The following PLA2R1 variants were observed in gnomAD, a reference collection of about 807,000 sequenced individuals.
PLA2R1 encodes secretory phospholipase A2 receptor.
In PLA2R1, 158 loss-of-function variants were observed where a neutral mutation model predicts 195.9. The ratio of observed to expected loss-of-function variants is 0.81; its 90% CI spans 0.71 to 0.92. The LOEUF is 0.92. Ranked by LOEUF, PLA2R1 falls within the 40% of genes least tolerant of loss-of-function variation. The probability of loss-of-function intolerance (pLI) is 0.00; values close to 1 mark genes in which losing one functional copy is unlikely to be tolerated. For missense variants in PLA2R1, 1,626 were observed against 1,764.6 expected, an observed-to-expected ratio of 0.92 and a Z score of 1.41; for synonymous variants, 586 against 598.2, an observed-to-expected ratio of 0.98 and a Z score of 0.30.
chr2:160,042,163 G>A lies in PLA2R1; in HGVS notation c.529C>T (p.Pro177Ser), dbSNP rs13394676. The part of the protein sequence containing the change: ...HTIKGNTHGM[P>S]CMFPFQYNHQ... ...TTATACTGGAAGGGAAACATACACGGCATCCCGTGGGTGTTCCCTTTGATT... is the reference window on the plus strand; with the variant it reads ...TTATACTGGAAGGGAAACATACACGACATCCCGTGGGTGTTCCCTTTGATT... The change falls in exon 3 of 30, where the codon CCG becomes TCG. Residue 177 changes from proline (P) to serine (S), a missense_variant. Pro to Ser is a moderately conservative substitution (Grantham distance 74). Transcript: ENST00000283243. 1,749 of 1,613,980 alleles carry A rather than the reference G, an allele frequency of 1.1e-3. 20 individuals carry two copies. In the African/African-American group the frequency reaches 0.021, roughly 19 times the overall value.
chr2:159,927,760 C>A (rs542945135), downstream of PLA2R1, among the ~76,000 whole-genome samples: 1 of 152,186 alleles, frequency 6.6e-6, no homozygotes, highest in African/African-American at 2.4e-5. Context: ...CCCTGGTCTA[C>A]GATGACCCAC....
chr2:159,960,722 CTG>C (rs1688382873), intron 20 of PLA2R1, among the ~76,000 whole-genome samples: 1 of 152,170 alleles, frequency 6.6e-6, no homozygotes, highest in Admixed American at 6.6e-5. Context: ...GGTCAAACCT[CTG>C]TTACATTATC....
intron 4 of PLA2R1, among the ~76,000 whole-genome samples, chr2:160,031,485 TTTG>T (rs1397310023): frequency 6.6e-6 from 1 of 152,136 alleles, no homozygotes; most frequent in Non-Finnish European, 1.5e-5. Context: ...ACACTGAGTG[TTTG>T]TTATGTGTGC....
At chr2:160,054,596 A>C (rs1390601713) in intron 1 of PLA2R1, among the ~76,000 whole-genome samples, 1 of 152,236 alleles carries the variant, frequency 6.6e-6, no homozygotes, top group Non-Finnish European at 1.5e-5. Context: ...ATAAATTAAA[A>C]AGCCAAGTGG....
chr2:159,959,687 G>T (rs146209642), intron 20 of PLA2R1, among the ~76,000 whole-genome samples: 73 of 152,154 alleles, frequency 4.8e-4, no homozygotes, highest in African/African-American at 1.7e-3. Flanking sequence ...TCCTTTCCCA[G>T]TGTTCCTACT....
intron 12 of PLA2R1, among the ~76,000 whole-genome samples, chr2:159,986,104 A>G (rs1004013697): frequency 2.0e-5 from 3 of 152,084 alleles, no homozygotes; most frequent in African/African-American, 7.2e-5. Context: ...CTCACCATGG[A>G]TCCTAGACTT....
In PLA2R1 at chr2:160,013,294, A is replaced by G; in HGVS notation, c.1633T>C (p.Cys545Arg). 6.2e-7 allele frequency: 1 copy of G among 1,607,258 alleles called. No individual in the cohort carries two copies. Among genetic ancestry groups the G allele is most frequent in the Non-Finnish European group, 8.5e-7 (1 of 1,174,012 alleles). ...SFDQASSGYYCPPALVTITNR... is the reference protein window; with the variant it reads ...SFDQASSGYYRPPALVTITNR... ...GTAATGGTTACAAGTGCAGGAGGAC[A>G]GTAATAACCGCTGGAAGCTTGGTCA... Residue 545 changes from cysteine to arginine, a missense_variant, in exon 10 of 30, where the codon TGT becomes CGT. By Grantham distance (180) the Cys-to-Arg change is radical (BLOSUM62 -3). Coordinates refer to ENST00000283243, the MANE Select transcript of PLA2R1 (RefSeq NM_007366.5).
At chr2:160,062,222 T>G in intron 1 of PLA2R1, 73 bp downstream of exon 1, 1 of 1,210,524 alleles carries the variant, frequency 8.3e-7, no homozygotes, top group South Asian at 1.7e-5. Flanking sequence ...CTTCGCCCCT[T>G]CTTCCTCTCC....
intron 11 of PLA2R1, among the ~76,000 whole-genome samples, chr2:159,997,612 C>G (rs183863450): frequency 2.2e-4 from 33 of 152,192 alleles, no homozygotes; most frequent in African/African-American, 7.9e-4. Flanking sequence ...ATGACTGAGT[C>G]CCCTACAGTT....
chr2:160,051,189 A>G (rs1230568338), intron 1 of PLA2R1, among the ~76,000 whole-genome samples: 1 of 152,248 alleles, frequency 6.6e-6, no homozygotes, highest in East Asian at 1.9e-4. Flanking sequence ...AACTATACAC[A>G]TAAAGTCAGT....
chr2:160,035,635 A>C (rs1694122257), intron 3 of PLA2R1, among the ~76,000 whole-genome samples: 1 of 152,138 alleles, frequency 6.6e-6, no homozygotes, highest in Non-Finnish European at 1.5e-5. Flanking sequence ...ATTGTGTCAT[A>C]TATAACTTTG....
chr2:160,036,888 A>G (rs1331394580), intron 3 of PLA2R1, among the ~76,000 whole-genome samples: 2 of 128,110 alleles, frequency 1.6e-5, no homozygotes, highest in Non-Finnish European at 3.9e-5. Flanking sequence ...TCCCTGGGGA[A>G]AAATGGAACG....
At chr2:160,040,730 C>T (rs1423850573) in intron 3 of PLA2R1, among the ~76,000 whole-genome samples, 1 of 152,218 alleles carries the variant, frequency 6.6e-6, no homozygotes, top group Non-Finnish European at 1.5e-5. Context: ...TCTTGGCATT[C>T]ACCACTATGC....
At chr2:160,019,101 T>C (rs907255734) in intron 8 of PLA2R1, among the ~76,000 whole-genome samples, 2 of 152,176 alleles carry the variant, frequency 1.3e-5, no homozygotes, top group Non-Finnish European at 2.9e-5. Context: ...TTCTGTATAA[T>C]CAGATGCTTT....
intron 10 of PLA2R1, among the ~76,000 whole-genome samples, chr2:160,006,029 A>C (rs1428348597): frequency 5.9e-5 from 9 of 152,234 alleles, no homozygotes; most frequent in Admixed American, 5.9e-4. Context: ...ATGAGTGAGC[A>C]GAATCTGACT....
intron 6 of PLA2R1, among the ~76,000 whole-genome samples, chr2:160,023,862 C>A (rs76789272): frequency 6.6e-6 from 1 of 151,784 alleles, no homozygotes; most frequent in East Asian, 1.9e-4. Flanking sequence ...AGAAACAACA[C>A]GGAGCACAGA....
intron 1 of PLA2R1, among the ~76,000 whole-genome samples, chr2:160,058,478 A>G (rs2667032): frequency 0.13 from 19,994 of 151,986 alleles, 2,960 homozygotes; most frequent in African/African-American, 0.37. Context: ...TACAGAAGGA[A>G]ACTCTCCTAC....
At chr2:160,056,291 C>T (rs6759836) in intron 1 of PLA2R1, among the ~76,000 whole-genome samples, 45,955 of 152,056 alleles carry the variant, frequency 0.3, 8,746 homozygotes, top group Non-Finnish European at 0.42. Context: ...GACCTATATG[C>T]TGTGGGTTGT....
At chr2:159,974,529 C>T (rs1443530636) in intron 17 of PLA2R1, among the ~76,000 whole-genome samples, 1 of 152,172 alleles carries the variant, frequency 6.6e-6, no homozygotes, top group African/African-American at 2.4e-5. Flanking sequence ...TTCAGCCATT[C>T]ATCTGGTCTC....
Sources: gnomAD v4.1 joint callset for allele counts (sites outside exome capture counted in the v4.1 genomes callset) on GRCh38, gnomAD v4.1.1 for gene constraint, MANE v1.5 for transcripts, NCBI Gene and HGNC (gene_info 2026-07-23, HGNC 2026-07-21) for gene names.